Variants in PHIP observed in about 807,000 individuals in gnomAD.
The protein encoded by PHIP is PHIP subunit of CUL4-Ring ligase complex, also known as PH-interacting protein.
A neutral mutation model predicts 236.8 loss-of-function variants in PHIP; 54 were observed. The ratio of observed to expected loss-of-function variants is 0.23; its 90% CI spans 0.18 to 0.29. PHIP has a LOEUF of 0.29. Among genes scored for constraint, PHIP ranks in the 10% least tolerant of loss-of-function variants. The pLI, the probability that PHIP is intolerant of heterozygous loss-of-function variation, is 1.00. For synonymous variants in PHIP, 756 were observed against 718.9 expected, an observed-to-expected ratio of 1.05 and a Z score of -0.83; for missense variants, 1,370 against 2,190.8, an observed-to-expected ratio of 0.63 and a Z score of 7.48.
rs1346610304 is a variant in PHIP, at chr6:78,935,921, A to G, written c.*4772T>C. On this transcript the variant is annotated 3_prime_UTR_variant, in exon 40 of 40. Coordinates refer to ENST00000275034, the MANE Select transcript of PHIP (RefSeq NM_017934.7). ...TTAAAAATAAGTTTGTAGTTACTAC[A>G]TTGCAGGGACAGGTATTCTTACACA... The G allele has an allele frequency of 5.8e-6, 1 of 173,146 alleles. No homozygotes were observed. The highest frequency in any genetic ancestry group is 2.4e-5 in the African/African-American group (1 of 41,810). The allele number at this position is 173,146 out of a possible 1,614,324, so 10.7% of individuals were successfully genotyped here.
At chr6:79,016,777 T>C (rs1770850934) in intron 12 of PHIP, 135 bp from the exon 13 acceptor site, 4 of 538,504 alleles carry the variant, frequency 7.4e-6, no homozygotes, top group Middle Eastern at 2.8e-4. Flanking sequence ...TCTGAAACTT[T>C]ATGGGCTTTT....
At chr6:78,972,525 G>A (rs1488442087) in intron 24 of PHIP, among the ~76,000 whole-genome samples, 41 of 152,186 alleles carry the variant, frequency 2.7e-4, no homozygotes, top group Non-Finnish European at 2.6e-4. Context: ...AAAGCTGGAC[G>A]CAGAATGACT....
intron 7 of PHIP, 88 bp from the exon 8 acceptor site, chr6:79,026,252 C>G: frequency 1.1e-6 from 1 of 905,832 alleles, no homozygotes; most frequent in South Asian, 1.5e-5. Context: ...GTTCTGTCCA[C>G]TTCTGAACAA....
chr6:79,051,381 C>CA (rs2127766055), intron 6 of PHIP, among the ~76,000 whole-genome samples: 1 of 151,904 alleles, frequency 6.6e-6, no homozygotes, highest in African/African-American at 2.4e-5. Flanking sequence ...TTTTTGTCTA[C>CA]AAAAAAAGGA....
chr6:78,975,383 C>A (rs1339210875), intron 24 of PHIP, among the ~76,000 whole-genome samples: 18 of 152,028 alleles, frequency 1.2e-4, no homozygotes, highest in African/African-American at 3.6e-4. Context: ...TCAAAATAAT[C>A]AGAGCTATCT....
chr6:79,054,269 A>C (rs901499284), intron 6 of PHIP, among the ~76,000 whole-genome samples: 2 of 151,534 alleles, frequency 1.3e-5, no homozygotes, highest in Non-Finnish European at 2.9e-5. Context: ...AAATATGAAG[A>C]TCATTCAGGG....
chr6:79,061,519 C>A (rs973743904), intron 4 of PHIP, among the ~76,000 whole-genome samples: 11 of 152,118 alleles, frequency 7.2e-5, no homozygotes, highest in African/African-American at 2.4e-4. Context: ...CTCTATTAAG[C>A]CAGATATTAA....
In PHIP at chr6:79,078,203, C is replaced by CGGCGGA; in HGVS notation, c.-141_-136dup. ...TTCGGCTCCACCATTCAAGCAACGG[C>CGGCGGA]GGCGGAGGCGGAGGAGGAGGAGGAG... On this transcript the variant is annotated 5_prime_UTR_variant, in exon 1 of 40. Transcript: ENST00000275034. The CGGCGGA allele has an allele frequency of 1.2e-6, 1 of 803,094 alleles. No individual in the cohort carries two copies. The highest frequency in any genetic ancestry group is 2.9e-5 in the East Asian group (1 of 34,748). 49.7% of individuals were successfully genotyped at this position (803,094 alleles called of 1,614,324 possible).
At chr6:79,072,815 A>T (rs1773953342) in intron 4 of PHIP, among the ~76,000 whole-genome samples, 1 of 152,192 alleles carries the variant, frequency 6.6e-6, no homozygotes, top group African/African-American at 2.4e-5. Flanking sequence ...ATGTTCAGAA[A>T]GTATATACAT....
rs1273278919 is a variant in PHIP at position 79,010,050 on chromosome 6, G to A, written c.1524+5032C>T. On this transcript the variant is annotated intron_variant, in intron 15 of 39. Transcript: ENST00000275034. ...ATAGGACATTATCTTGTTAGATGAT[G>A]ATAGGAAGAAAGAAGGAAGGAAAGA... is the stretch of plus-strand genomic sequence containing the variant. Among the ~76,000 whole-genome samples the A allele has an allele frequency of 2.0e-5, 3 of 148,152 alleles. No individual in the cohort carries two copies. The South Asian group carries it at 6.8e-4, about 34-fold the overall frequency.
intron 38 of PHIP, 116 bp downstream of exon 38, chr6:78,945,885 C>T: frequency 1.4e-6 from 1 of 736,904 alleles, no homozygotes; most frequent in Non-Finnish European, 2.2e-6. Flanking sequence ...ATAAAGAAGG[C>T]AAAAACAACA....
chr6:78,995,812 T>C (rs1769571429), intron 19 of PHIP, among the ~76,000 whole-genome samples: 1 of 152,212 alleles, frequency 6.6e-6, no homozygotes, highest in South Asian at 2.1e-4. Flanking sequence ...TGGATGAGGC[T>C]GACCCATTTC....
intron 35 of PHIP, among the ~76,000 whole-genome samples, chr6:78,952,024 C>T (rs561839773): frequency 7.9e-5 from 12 of 152,280 alleles, no homozygotes; most frequent in African/African-American, 2.9e-4. Flanking sequence ...TTCTTTTTGA[C>T]TTTCAATTGT....
chr6:78,935,620 T>C lies in PHIP; in HGVS notation c.*5073A>G. On this transcript the variant is annotated 3_prime_UTR_variant, in exon 40 of 40. Transcript: ENST00000275034. Reference sequence around the variant, plus strand: ...TTAAATGTACACATAAAAAGGCATATAAGTTTTTGACCTTCAGTTGTTTTG... The same window carrying C: ...TTAAATGTACACATAAAAAGGCATACAAGTTTTTGACCTTCAGTTGTTTTG... 1.0e-6 allele frequency: 1 copy of C among 981,486 alleles called. No individual in the cohort carries two copies. Among genetic ancestry groups the C allele is most frequent in the South Asian group, 4.7e-5 (1 of 21,224 alleles). 60.8% of individuals were successfully genotyped at this position (981,486 alleles called of 1,614,324 possible). A position where few individuals can be genotyped will look rare whatever the true frequency, so the allele number is the denominator to read the frequency against.
At chr6:79,053,279 A>G (rs903347364) in intron 6 of PHIP, among the ~76,000 whole-genome samples, 1 of 152,212 alleles carries the variant, frequency 6.6e-6, no homozygotes, top group African/African-American at 2.4e-5. Flanking sequence ...GCGCCACTGC[A>G]CTTCAGCCTG....
intron 22 of PHIP, 54 bp downstream of exon 22, chr6:78,985,295 AAAC>A: frequency 1.0e-6 from 1 of 957,306 alleles, no homozygotes; most frequent in Non-Finnish European, 1.7e-6. Context: ...TTAAAAAAAA[AAAC>A]ACCTTTCTAA....
rs114363731 is a variant in PHIP at position 78,989,609 on chromosome 6, C to T, written c.2319+1259G>A. ...TTATTCCAGTTTTTGCGACCACAGA[C>T]GCTAAAAATATGTGAGTGTGCATGC... On this transcript the variant is annotated intron_variant, in intron 20 of 39. Transcript: ENST00000275034. 3.5e-3 allele frequency among the ~76,000 whole-genome samples: 539 copies of T among 152,138 alleles called. 4 individuals carry two copies. The highest frequency in any genetic ancestry group is 0.011 in the African/African-American group (477 of 41,524).
chr6:78,935,975 A>T lies in PHIP; in HGVS notation c.*4718T>A, dbSNP rs1262739774. 1 of 153,442 alleles carries T rather than the reference A, an allele frequency of 6.5e-6. No individual in the cohort carries two copies. The highest frequency in any genetic ancestry group is 1.9e-4 in the East Asian group (1 of 5,214). 9.5% of individuals were successfully genotyped at this position (153,442 alleles called of 1,614,324 possible). On this transcript the variant is annotated 3_prime_UTR_variant, in exon 40 of 40. Coordinates refer to ENST00000275034, the MANE Select transcript of PHIP (RefSeq NM_017934.7). ...ATTCTAGTTTGTATAAAAGGATTCA[A>T]AGAATTATGCATCAAAACTAACATA...
chr6:79,065,764 CCACACACACACA>C (rs58570604), intron 4 of PHIP, among the ~76,000 whole-genome samples: 23 of 143,470 alleles, frequency 1.6e-4, no homozygotes, highest in African/African-American at 3.1e-4. Context: ...CTTAACTATA[CCACACACACACA>C]CACACACACA....
Sources: allele counts gnomAD v4.1 joint callset (sites outside exome capture counted in the v4.1 genomes callset), GRCh38; gene constraint gnomAD v4.1.1; transcripts MANE v1.5; gene names NCBI Gene and HGNC (gene_info 2026-07-23, HGNC 2026-07-21).